The following BABAM2 variants were observed in gnomAD, a reference collection of about 807,000 sequenced individuals.
BABAM2 encodes the protein BRISC and BRCA1-A complex member 2.
In BABAM2, 31 loss-of-function variants were observed where a neutral mutation model predicts 54.7. The ratio of observed to expected loss-of-function variants is 0.57; its 90% CI spans 0.43 to 0.77. The LOEUF (loss-of-function observed/expected upper bound fraction) is 0.77. BABAM2 is among the 30% of genes least tolerant of loss of function. The probability of loss-of-function intolerance (pLI) is 0.00; values close to 1 mark genes in which losing one functional copy is unlikely to be tolerated. For missense variants in BABAM2, 364 were observed against 455.8 expected, an observed-to-expected ratio of 0.80 and a Z score of 1.83; for synonymous variants, 167 against 162.9, an observed-to-expected ratio of 1.03 and a Z score of -0.19.
intron 3 of BABAM2, among the ~76,000 whole-genome samples, chr2:27,958,968 A>G (rs749617636): frequency 1.3e-5 from 2 of 152,198 alleles, no homozygotes; most frequent in African/African-American, 2.4e-5. Flanking sequence ...AGCCACTTGT[A>G]GTTTTGTGAA....
intron 6 of BABAM2, among the ~76,000 whole-genome samples, chr2:28,098,016 A>C (rs1366838640): frequency 2.0e-5 from 3 of 152,198 alleles, no homozygotes; most frequent in Admixed American, 2.0e-4. Flanking sequence ...TCGTAGTTTG[A>C]AACCACTATC....
chr2:28,323,691 A>T (rs1690216060), intron 11 of BABAM2, among the ~76,000 whole-genome samples: 2 of 152,206 alleles, frequency 1.3e-5, no homozygotes, highest in Admixed American at 6.5e-5. Flanking sequence ...CCCCTGTGAC[A>T]GCAAGTCACA....
intron 8 of BABAM2, among the ~76,000 whole-genome samples, chr2:28,239,858 G>A (rs12052588): frequency 6.6e-6 from 1 of 152,182 alleles, no homozygotes; most frequent in African/African-American, 2.4e-5. Flanking sequence ...CAGAGGGTAT[G>A]TCCATAGACT....
chr2:27,972,773 C>CTT (rs11383917), intron 3 of BABAM2, among the ~76,000 whole-genome samples: 1,769 of 138,336 alleles, frequency 0.013, 41 homozygotes, highest in African/African-American at 0.04. Flanking sequence ...TAATTATTAG[C>CTT]TTTTTTTTTT....
intron 11 of BABAM2, among the ~76,000 whole-genome samples, chr2:28,318,179 G>A (rs1382123536): frequency 1.3e-5 from 2 of 152,172 alleles, no homozygotes; most frequent in African/African-American, 2.4e-5. Context: ...TTGGTCTTGG[G>A]TGGACCTCCA....
intron 10 of BABAM2, among the ~76,000 whole-genome samples, chr2:28,292,441 T>A (rs1222315343): frequency 6.6e-6 from 1 of 152,262 alleles, no homozygotes; most frequent in Non-Finnish European, 1.5e-5. Context: ...TTATCTTGCC[T>A]TCTTGAACAG....
chr2:28,113,864 T>A (rs1474036130), intron 6 of BABAM2, among the ~76,000 whole-genome samples: 1 of 152,210 alleles, frequency 6.6e-6, no homozygotes, highest in East Asian at 1.9e-4. Flanking sequence ...ATCCTTCACA[T>A]CCCTTGTAAG....
intron 5 of BABAM2, among the ~76,000 whole-genome samples, chr2:28,040,714 A>C (rs1677034952): frequency 6.6e-6 from 1 of 152,244 alleles, no homozygotes; most frequent in Admixed American, 6.5e-5. Flanking sequence ...TAGGCTTGAA[A>C]GTTGGCAATC....
At chr2:28,123,963 G>A (rs1184578665) in intron 6 of BABAM2, among the ~76,000 whole-genome samples, 1 of 152,196 alleles carries the variant, frequency 6.6e-6, no homozygotes, top group Non-Finnish European at 1.5e-5. Flanking sequence ...GAAATTGAAA[G>A]TTTAAAAGTC....
intron 7 of BABAM2, chr2:28,134,573 C>T (rs1014621464): frequency 2.0e-5 from 3 of 152,246 alleles, no homozygotes. Flanking sequence ...GACTTCAGCC[C>T]TGAGGCAGAC....
chr2:28,108,544 G>T (rs943892790), intron 6 of BABAM2, among the ~76,000 whole-genome samples: 11 of 152,146 alleles, frequency 7.2e-5, no homozygotes, highest in African/African-American at 2.4e-4. Context: ...TGAATTTATG[G>T]TTCTTCTAAA....
chr2:28,031,825 G>A (rs17006439), intron 5 of BABAM2, among the ~76,000 whole-genome samples: 3,330 of 152,298 alleles, frequency 0.022, 126 homozygotes, highest in East Asian at 0.17. Flanking sequence ...GAGATGTTCA[G>A]TGGGTTGTAT....
intron 7 of BABAM2, among the ~76,000 whole-genome samples, chr2:28,132,077 T>C (rs1253737138): frequency 6.6e-6 from 1 of 152,038 alleles, no homozygotes; most frequent in Non-Finnish European, 1.5e-5. Context: ...TTAAAAGTCA[T>C]TTTTCCAATC....
chr2:28,213,806 A>G (rs1419418402), intron 7 of BABAM2, among the ~76,000 whole-genome samples: 1 of 152,164 alleles, frequency 6.6e-6, no homozygotes, highest in East Asian at 1.9e-4. Flanking sequence ...GCTTGGTTCT[A>G]TCATTGATTG....
intron 7 of BABAM2, among the ~76,000 whole-genome samples, chr2:28,192,517 CTT>C (rs58587872): frequency 3.3e-5 from 4 of 120,586 alleles, no homozygotes; most frequent in African/African-American, 6.2e-5. Context: ...GTTTATAGCT[CTT>C]TTTTTTTTTT....
chr2:27,983,842 ATTGT>A (rs1030272576), intron 3 of BABAM2, among the ~76,000 whole-genome samples: 2 of 145,166 alleles, frequency 1.4e-5, no homozygotes, highest in Middle Eastern at 3.8e-3. Flanking sequence ...ATTAGTTCTC[ATTGT>A]TTGTGTGGAT....
chr2:28,059,324 C>T (rs552708284), intron 6 of BABAM2, among the ~76,000 whole-genome samples: 1 of 152,210 alleles, frequency 6.6e-6, no homozygotes, highest in South Asian at 2.1e-4. Flanking sequence ...CCATTTTCTT[C>T]CTTGTATCTG....
At chr2:28,217,554 CA>C (rs910189134) in intron 7 of BABAM2, among the ~76,000 whole-genome samples, 4 of 152,210 alleles carry the variant, frequency 2.6e-5, no homozygotes, top group African/African-American at 9.6e-5. Flanking sequence ...CAACTTGCCC[CA>C]GGGGCAGTAT....
chr2:28,151,052 T>G (rs1323011896), intron 7 of BABAM2, among the ~76,000 whole-genome samples: 1 of 152,176 alleles, frequency 6.6e-6, no homozygotes, highest in Non-Finnish European at 1.5e-5. Flanking sequence ...AAGATGGTTA[T>G]CGATAGTAGT....
Sources: allele counts gnomAD v4.1 joint callset (sites outside exome capture counted in the v4.1 genomes callset), GRCh38; gene constraint gnomAD v4.1.1; transcripts MANE v1.5; gene names NCBI Gene and HGNC (gene_info 2026-07-23, HGNC 2026-07-21).